The following DAPK2 variants were observed in gnomAD, a reference collection of about 807,000 sequenced individuals.
The protein encoded by DAPK2 is death-associated protein kinase 2.
DAPK2 carries 35 observed loss-of-function variants against 44.1 expected under a neutral mutation model. The observed-to-expected ratio is 0.79, with a 90% CI of 0.61 to 1.05. The LOEUF (loss-of-function observed/expected upper bound fraction) is 1.05. Among genes scored for constraint, DAPK2 ranks in the 50% least tolerant of loss-of-function variants. The probability of loss-of-function intolerance (pLI) is 0.00; values close to 1 mark genes in which losing one functional copy is unlikely to be tolerated. For synonymous variants in DAPK2, 174 were observed against 182.6 expected, an observed-to-expected ratio of 0.95 and a Z score of 0.38; for missense variants, 453 against 483.2, an observed-to-expected ratio of 0.94 and a Z score of 0.59.
At chr15:64,032,956 C>A (rs950218220) in intron 1 of DAPK2, among the ~76,000 whole-genome samples, 1 of 151,940 alleles carries the variant, frequency 6.6e-6, no homozygotes, top group South Asian at 2.1e-4. Context: ...CATGATCGTG[C>A]ACACCTGTAA....
intron 1 of DAPK2, among the ~76,000 whole-genome samples, chr15:63,991,690 C>A (rs780475530): frequency 6.6e-6 from 1 of 152,178 alleles, no homozygotes; most frequent in African/African-American, 2.4e-5. Flanking sequence ...AGCATGGAAG[C>A]ATAGCATGCT....
chr15:63,922,263 T>C (rs549626290), intron 8 of DAPK2: 8 of 987,800 alleles, frequency 8.1e-6, no homozygotes, highest in Admixed American at 5.9e-5. Context: ...CGAAAGGCAA[T>C]ATTATTTTCT....
rs148643980 is a variant in DAPK2 at position 63,942,249 on chromosome 15, T to C, written c.454-2888A>G. On this transcript the variant is annotated intron_variant, in intron 3 of 10. Transcript: ENST00000261891. Reference sequence around the variant, plus strand: ...CCAGGAGAGATGGTTTCTTCACTGGTCTATAAGAACCTCAGGGCAGGCCGG... The same window carrying C: ...CCAGGAGAGATGGTTTCTTCACTGGCCTATAAGAACCTCAGGGCAGGCCGG... 221 of 985,302 alleles carry C rather than the reference T, an allele frequency of 2.2e-4. 4 individuals are homozygous for C. The East Asian group carries it at 0.022, about 97-fold the overall frequency. 61.0% of individuals were successfully genotyped at this position (985,302 alleles called of 1,614,324 possible). A position where few individuals can be genotyped will look rare whatever the true frequency, so the allele number is the denominator to read the frequency against.
chr15:63,957,926 C>T (rs1436255193), intron 3 of DAPK2, among the ~76,000 whole-genome samples: 3 of 152,258 alleles, frequency 2.0e-5, no homozygotes, highest in South Asian at 2.1e-4. Flanking sequence ...CATGAGGAAT[C>T]GCCACACTGT....
intron 4 of DAPK2, among the ~76,000 whole-genome samples, chr15:63,931,482 G>A (rs2079553341): frequency 6.6e-6 from 1 of 152,196 alleles, no homozygotes; most frequent in Non-Finnish European, 1.5e-5. Context: ...GACCAGTCAT[G>A]TCAGTGCTGG....
chr15:64,030,356 A>G (rs141930771), intron 1 of DAPK2, among the ~76,000 whole-genome samples: 3 of 152,138 alleles, frequency 2.0e-5, no homozygotes, highest in African/African-American at 7.2e-5. Flanking sequence ...TAAATATGAT[A>G]CCCTTGCACC....
intron 1 of DAPK2, among the ~76,000 whole-genome samples, chr15:64,007,627 C>T (rs986475394): frequency 6.6e-6 from 1 of 152,194 alleles, no homozygotes; most frequent in Non-Finnish European, 1.5e-5. Context: ...CTAACAGTTA[C>T]CTGATGCCTG....
intron 1 of DAPK2, among the ~76,000 whole-genome samples, chr15:64,021,364 C>T (rs1391487000): frequency 6.6e-6 from 1 of 152,144 alleles, no homozygotes; most frequent in Non-Finnish European, 1.5e-5. Flanking sequence ...GTTCCCCTGC[C>T]CCACCCCCTC....
At chr15:63,907,949 A>T (rs2146444217) in exon 11 of DAPK2, 1 of 152,434 alleles carries the variant, frequency 6.6e-6, no homozygotes, top group Admixed American at 6.5e-5. Flanking sequence ...TTTAATAAAA[A>T]TGAGCAAAAT....
intron 6 of DAPK2, among the ~76,000 whole-genome samples, chr15:63,927,441 A>G (rs567563399): frequency 6.6e-6 from 1 of 152,282 alleles, no homozygotes; most frequent in African/African-American, 2.4e-5. Flanking sequence ...TGATCCATCA[A>G]TCATGTGCTG....
rs150809859 is a variant in DAPK2, at chr15:64,033,326, A to AAGGAAGGAAGGAAGG, written c.92+6843_92+6844insCCTTCCTTCCTTCCT. Among the ~76,000 whole-genome samples the AAGGAAGGAAGGAAGG allele has an allele frequency of 1.8e-3, 238 of 131,402 alleles. 3 individuals are homozygous for AAGGAAGGAAGGAAGG. Among genetic ancestry groups the AAGGAAGGAAGGAAGG allele is most frequent in the Middle Eastern group, 4.2e-3 (1 of 238 alleles). 86.2% of individuals were successfully genotyped at this position (131,402 alleles called of 152,430 possible). On this transcript the variant is annotated intron_variant, in intron 1 of 10. Transcript: ENST00000261891. ...GAAGGAAGGAAGGAAGGAAGGAAGG[A>AAGGAAGGAAGGAAGG]AAAAAAAAATAGCTGCTGGGTTAAC...
intron 3 of DAPK2, among the ~76,000 whole-genome samples, chr15:63,948,692 C>T (rs1252759061): frequency 6.6e-6 from 1 of 152,208 alleles, no homozygotes; most frequent in Non-Finnish European, 1.5e-5. Flanking sequence ...ACTCCTCCTG[C>T]GTTCCTCCAC....
intron 2 of DAPK2, among the ~76,000 whole-genome samples, chr15:63,974,733 A>G (rs993258471): frequency 1.3e-5 from 2 of 152,250 alleles, no homozygotes; most frequent in South Asian, 4.1e-4. Flanking sequence ...GATTCTCCAC[A>G]GAATATAGAT....
chr15:63,919,735 C>T (rs548196682), intron 8 of DAPK2: 1 of 152,306 alleles, frequency 6.6e-6, no homozygotes, highest in Non-Finnish European at 1.5e-5. Flanking sequence ...ATCCACCCAC[C>T]TCAGCCTCCC....
chr15:63,970,832 G>A lies in DAPK2; in HGVS notation c.453+591C>T, dbSNP rs574127454. On this transcript the variant is annotated intron_variant, in intron 3 of 10. Transcript: ENST00000261891. ...ACATTCTTGCTTTATGAAGTCCTAT[G>A]TGGTCACAGTGAACTCTCTCAGTCC... 1.4e-4 allele frequency among the ~76,000 whole-genome samples: 21 copies of A among 152,276 alleles called. 1 individual carries two copies. In the South Asian group the frequency reaches 4.4e-3, roughly 32 times the overall value.
At chr15:63,988,396 C>A (rs528544267) in intron 1 of DAPK2, among the ~76,000 whole-genome samples, 1 of 152,160 alleles carries the variant, frequency 6.6e-6, no homozygotes, top group Non-Finnish European at 1.5e-5. Flanking sequence ...TCCCCACCCC[C>A]CAAAGTCTTC....
intron 10 of DAPK2, chr15:63,911,684 G>T: frequency 1.7e-6 from 1 of 580,924 alleles, no homozygotes; most frequent in South Asian, 2.1e-5. Flanking sequence ...AGGAGTTCAT[G>T]CTGCTGCATC....
chr15:63,951,455 A>G (rs918270103), intron 3 of DAPK2, among the ~76,000 whole-genome samples: 1 of 152,122 alleles, frequency 6.6e-6, no homozygotes, highest in Non-Finnish European at 1.5e-5. Context: ...GACATCGTCT[A>G]TGCACATCAC....
At chr15:64,045,157 G>A (rs1595934235), upstream of DAPK2, among the ~76,000 whole-genome samples, 1 of 152,096 alleles carries the variant, frequency 6.6e-6, no homozygotes, top group Admixed American at 6.5e-5. Context: ...GGTCAGTGCG[G>A]GTCTCATTCC....
Sources: gnomAD v4.1 joint callset for allele counts (sites outside exome capture counted in the v4.1 genomes callset) on GRCh38, gnomAD v4.1.1 for gene constraint, MANE v1.5 for transcripts, NCBI Gene and HGNC (gene_info 2026-07-23, HGNC 2026-07-21) for gene names.